DACH2: variants seen among roughly 807,000 people sequenced by gnomAD.
DACH2 encodes dachshund family transcription factor 2.
A neutral mutation model predicts 35.8 loss-of-function variants in DACH2; 17 were observed. The ratio of observed to expected loss-of-function variants is 0.48; its 90% CI spans 0.33 to 0.71. The LOEUF is 0.71. DACH2 is among the 30% of genes least tolerant of loss of function. The pLI, the probability that DACH2 is intolerant of heterozygous loss-of-function variation, is 0.02. For missense variants in DACH2, 469 were observed against 472.7 expected (o/e 0.99, Z 0.07); for synonymous variants, 195 against 177.3 (o/e 1.10, Z -0.79).
At chrX:86,604,455 T>C in intron 3 of DACH2, among the ~76,000 whole-genome samples, 1 of 112,017 alleles carries the variant, frequency 8.9e-6, no homozygotes, top group South Asian at 3.6e-4. Context: ...CACATTATGT[T>C]CTTGAATATG....
At chrX:86,400,254 A>G (rs1438774637) in intron 2 of DACH2, among the ~76,000 whole-genome samples, 1 of 109,984 alleles carries the variant, frequency 9.1e-6, no homozygotes, top group African/African-American at 3.3e-5. Context: ...GGACTTCTCT[A>G]CATTGGTTAT....
chrX:86,794,224 G>A (rs1299628597), intron 7 of DACH2, among the ~76,000 whole-genome samples: 2 of 110,253 alleles, frequency 1.8e-5, no homozygotes, highest in Non-Finnish European at 3.8e-5. Context: ...AAACAGTATT[G>A]CAAAAAGACA....
chrX:86,473,655 G>T (rs2037794795), intron 2 of DACH2, among the ~76,000 whole-genome samples: 1 of 110,891 alleles, frequency 9.0e-6, no homozygotes, highest in African/African-American at 3.3e-5. Context: ...ATTTCACTTA[G>T]CATAATAATC....
chrX:86,268,335 A>G (rs755648155), intron 1 of DACH2, among the ~76,000 whole-genome samples: 24 of 110,972 alleles, frequency 2.2e-4, no homozygotes, highest in Non-Finnish European at 4.3e-4. Flanking sequence ...CTTTGTACAT[A>G]TTAACTCATT....
chrX:86,765,272 T>C (rs2041920929), intron 7 of DACH2, among the ~76,000 whole-genome samples: 1 of 111,852 alleles, frequency 8.9e-6, no homozygotes, highest in South Asian at 3.7e-4. Context: ...GCAATTGCTT[T>C]GGGGGAACTT....
chrX:86,417,104 A>AG (rs1185855843), intron 2 of DACH2, among the ~76,000 whole-genome samples: 1 of 104,202 alleles, frequency 9.6e-6, no homozygotes, highest in South Asian at 4.3e-4. Context: ...AAAAAAAAAA[A>AG]AAAAAAAAAA....
intron 1 of DACH2, among the ~76,000 whole-genome samples, chrX:86,327,811 C>T (rs190919628): frequency 2.5e-4 from 28 of 111,679 alleles, no homozygotes; most frequent in African/African-American, 8.4e-4. Flanking sequence ...CAGTGATCTT[C>T]GTGGCATATC....
intron 3 of DACH2, among the ~76,000 whole-genome samples, chrX:86,574,350 G>A (rs1349212536): frequency 1.8e-5 from 2 of 111,186 alleles, no homozygotes; most frequent in Non-Finnish European, 3.8e-5. Flanking sequence ...TTAAAACTAT[G>A]CATCACTAAT....
At chrX:86,421,090 A>G (rs761727959) in intron 2 of DACH2, among the ~76,000 whole-genome samples, 1 of 111,944 alleles carries the variant, frequency 8.9e-6, no homozygotes, top group African/African-American at 3.2e-5. Flanking sequence ...GCACAAAAGC[A>G]CACAATACTT....
rs149079089 is a variant in DACH2 at position 86,776,302 on chromosome X, G to T, written c.1240+36420G>T. Among the ~76,000 whole-genome samples the T allele has an allele frequency of 3.9e-3, 437 of 111,441 alleles. 2 individuals are homozygous for T. Among genetic ancestry groups the T allele is most frequent in the African/African-American group, 0.014 (417 of 30,685 alleles). On this transcript the variant is annotated intron_variant, in intron 7 of 11. Transcript: ENST00000373125. ...GCCTGTTTCCAGGTTTGCTCATTTG[G>T]TGGAGAGAGAGAGATATTGAATCTC...
intron 2 of DACH2, among the ~76,000 whole-genome samples, chrX:86,441,264 T>C (rs1004005352): frequency 2.7e-5 from 3 of 110,993 alleles, no homozygotes; most frequent in Non-Finnish European, 5.7e-5. Context: ...CTTTTCTCCC[T>C]CCTCCCCAGT....
chrX:86,210,820 C>T (rs191526067), intron 1 of DACH2, among the ~76,000 whole-genome samples: 37 of 111,752 alleles, frequency 3.3e-4, no homozygotes, highest in African/African-American at 1.0e-3. Context: ...TACAAGTTGC[C>T]GTATGAGTTC....
chrX:86,780,100 A>G (rs1291828635), intron 7 of DACH2, among the ~76,000 whole-genome samples: 2 of 109,172 alleles, frequency 1.8e-5, no homozygotes, highest in Middle Eastern at 4.3e-3. Flanking sequence ...TCTTCCAGAA[A>G]TGAAACCAGT....
intron 1 of DACH2, among the ~76,000 whole-genome samples, chrX:86,166,796 C>T (rs2030959131): frequency 9.0e-6 from 1 of 111,509 alleles, no homozygotes; most frequent in South Asian, 3.7e-4. Flanking sequence ...TCACCAAATA[C>T]TCTTCTAGCA....
chrX:86,480,487 C>T (rs760238172), intron 2 of DACH2, among the ~76,000 whole-genome samples: 2 of 111,723 alleles, frequency 1.8e-5, no homozygotes, highest in South Asian at 3.8e-4. Flanking sequence ...TCACCTATGT[C>T]CACTCAAGAA....
rs577012072 is a variant in DACH2, at chrX:86,403,736, C to A, written c.527+26874C>A. ...AATCATTCTGCCAGAAAGACACATG[C>A]ACACACTTGTTCATAGTAATACTAT... On this transcript the variant is annotated intron_variant, in intron 2 of 11. Coordinates refer to ENST00000373125, the MANE Select transcript of DACH2 (RefSeq NM_053281.3). Among the ~76,000 whole-genome samples, 4 of 111,968 alleles carry A rather than the reference C, an allele frequency of 3.6e-5. No individual in the cohort carries two copies. The East Asian group carries it at 8.5e-4, about 24-fold the overall frequency.
At chrX:86,229,485 T>C (rs750722117) in intron 1 of DACH2, among the ~76,000 whole-genome samples, 5 of 111,811 alleles carry the variant, frequency 4.5e-5, no homozygotes, top group Non-Finnish European at 9.4e-5. Context: ...TTACAATTGT[T>C]TTTTCTAACT....
chrX:86,232,311 A>G (rs759811557), intron 1 of DACH2, among the ~76,000 whole-genome samples: 1 of 112,533 alleles, frequency 8.9e-6, no homozygotes, highest in East Asian at 2.8e-4. Context: ...TTCATGACAA[A>G]GACACCAAAA....
intron 1 of DACH2, among the ~76,000 whole-genome samples, chrX:86,372,780 A>C (rs1186569075): frequency 3.6e-5 from 4 of 110,809 alleles, no homozygotes; most frequent in African/African-American, 1.3e-4. Context: ...TCAGGTAGAG[A>C]GCATAGTACC....
Sources: allele counts gnomAD v4.1 joint callset (sites outside exome capture counted in the v4.1 genomes callset), GRCh38; gene constraint gnomAD v4.1.1; transcripts MANE v1.5; gene names NCBI Gene and HGNC (gene_info 2026-07-23, HGNC 2026-07-21).